The following HPSE2 variants were observed in gnomAD, a reference collection of about 807,000 sequenced individuals.
HPSE2 encodes the protein inactive heparanase-2.
A neutral mutation model predicts 60.5 loss-of-function variants in HPSE2; 38 were observed. The observed-to-expected ratio is 0.63, with a 90% CI of 0.48 to 0.82. The LOEUF (loss-of-function observed/expected upper bound fraction) is 0.82, where lower values mean the gene tolerates loss of function less well. HPSE2 is among the 40% of genes least tolerant of loss of function. The pLI is 0.00. For synonymous variants in HPSE2, 295 were observed against 293.2 expected (o/e 1.01, Z -0.06); for missense variants, 713 against 740.4 (o/e 0.96, Z 0.43).
intron 2 of HPSE2, among the ~76,000 whole-genome samples, chr10:99,175,099 C>G (rs970788801): frequency 3.3e-5 from 5 of 152,168 alleles, no homozygotes; most frequent in African/African-American, 1.2e-4. Context: ...CTATGCTTTT[C>G]CCGTGGTCTT....
intron 3 of HPSE2, among the ~76,000 whole-genome samples, chr10:98,985,445 A>G (rs1190957370): frequency 6.6e-6 from 1 of 152,196 alleles, no homozygotes; most frequent in Non-Finnish European, 1.5e-5. Context: ...AAATGCTGAG[A>G]GATTTTGTCA....
intron 9 of HPSE2, among the ~76,000 whole-genome samples, chr10:98,610,069 C>G (rs1205898820): frequency 6.6e-6 from 1 of 152,088 alleles, no homozygotes; most frequent in Non-Finnish European, 1.5e-5. Context: ...TCTCAATCCC[C>G]TGACCTCGTG....
At position 98,715,164 on chromosome 10, in the gene HPSE2, C is replaced by T. The variant is rs191685530; in HGVS notation, c.956+6493G>A. ...TGTTCACATTCTTGATGGTGTCATTCGACACACAAAAGTTCTTAGTTTTGG... is the reference window on the plus strand; with the variant it reads ...TGTTCACATTCTTGATGGTGTCATTTGACACACAAAAGTTCTTAGTTTTGG... On this transcript the variant is annotated intron_variant, in intron 5 of 11. Coordinates refer to ENST00000370552, the MANE Select transcript of HPSE2 (RefSeq NM_021828.5). Among the ~76,000 whole-genome samples, 41 of 151,776 alleles carry T rather than the reference C, an allele frequency of 2.7e-4. No individual in the cohort carries two copies. The East Asian group carries it at 6.2e-3, about 23-fold the overall frequency.
intron 3 of HPSE2, among the ~76,000 whole-genome samples, chr10:99,115,032 A>C (rs535575807): frequency 1.3e-5 from 2 of 152,058 alleles, no homozygotes; most frequent in South Asian, 4.2e-4. Flanking sequence ...CCCAGGTTGG[A>C]GTGCAGTGGC....
intron 2 of HPSE2, among the ~76,000 whole-genome samples, chr10:99,156,459 T>C (rs1206030846): frequency 7.3e-6 from 1 of 136,894 alleles, no homozygotes; most frequent in Non-Finnish European, 1.6e-5. Context: ...CACAAATCAA[T>C]AAATGTAATC....
intron 2 of HPSE2, among the ~76,000 whole-genome samples, chr10:99,146,395 G>C (rs1386709178): frequency 6.6e-6 from 1 of 152,192 alleles, no homozygotes; most frequent in Non-Finnish European, 1.5e-5. Context: ...TGGAAAATGA[G>C]CTGCAGGCCG....
rs774401073 is a variant in HPSE2 at position 99,235,712 on chromosome 10, G to A, written c.91C>T (p.Leu31=). 1 of 1,614,080 alleles carries A rather than the reference G, an allele frequency of 6.2e-7. No homozygotes were observed. The highest frequency in any genetic ancestry group is 1.7e-5 in the Admixed American group (1 of 60,020). The change falls in exon 1 of 12, where the codon CTG becomes TTG. Residue 31 remains leucine, a synonymous_variant. Transcript: ENST00000370552. ...CLAPGALYLA[L]LLHLSLSSQA... ...GAGGAAAGGGAGAGATGGAGCAACA[G>A]AGCCAAGTAGAGAGCCCCCGGGGCT...
At chr10:98,990,817 G>A (rs1296552283) in intron 3 of HPSE2, among the ~76,000 whole-genome samples, 1 of 152,126 alleles carries the variant, frequency 6.6e-6, no homozygotes, top group East Asian at 1.9e-4. Flanking sequence ...CTATTTAATA[G>A]CAAGAAAGGC....
chr10:98,688,140 CCTTG>C (rs1947965512), intron 6 of HPSE2, among the ~76,000 whole-genome samples: 1 of 151,726 alleles, frequency 6.6e-6, no homozygotes, highest in African/African-American at 2.4e-5. Flanking sequence ...TAATTTTCAC[CCTTG>C]CTTATCAGTC....
At chr10:98,951,110 G>A (rs997460703) in intron 3 of HPSE2, among the ~76,000 whole-genome samples, 12 of 152,152 alleles carry the variant, frequency 7.9e-5, no homozygotes, top group Admixed American at 7.9e-4. Flanking sequence ...CACAAGATGA[G>A]GAAGAAGATG....
chr10:99,030,370 A>AG (rs1233874517), intron 3 of HPSE2, among the ~76,000 whole-genome samples: 1 of 152,238 alleles, frequency 6.6e-6, no homozygotes, highest in Non-Finnish European at 1.5e-5. Context: ...AGATATACAA[A>AG]TGGCATACAG....
chr10:98,517,913 G>A (rs1203038437), intron 9 of HPSE2, among the ~76,000 whole-genome samples: 1 of 152,200 alleles, frequency 6.6e-6, no homozygotes, highest in Non-Finnish European at 1.5e-5. Context: ...GCACAGGCCT[G>A]GTTGTTACAA....
intron 4 of HPSE2, among the ~76,000 whole-genome samples, chr10:98,726,624 T>C (rs1201665366): frequency 8.8e-6 from 1 of 113,774 alleles, no homozygotes; most frequent in Admixed American, 1.1e-4. Context: ...ATTCTAAAAC[T>C]TAAAGTATAA....
chr10:98,648,508 A>C (rs1376590483), intron 6 of HPSE2, among the ~76,000 whole-genome samples: 1 of 152,172 alleles, frequency 6.6e-6, no homozygotes, highest in African/African-American at 2.4e-5. Flanking sequence ...GGCTGGGCAC[A>C]GTGGCTCATG....
chr10:98,552,173 G>T (rs931333245), intron 9 of HPSE2, among the ~76,000 whole-genome samples: 2 of 152,054 alleles, frequency 1.3e-5, no homozygotes, highest in Non-Finnish European at 2.9e-5. Context: ...TTAGTTTTGG[G>T]ATATGCTGAT....
At chr10:98,971,469 A>C (rs560624383) in intron 3 of HPSE2, among the ~76,000 whole-genome samples, 1 of 152,318 alleles carries the variant, frequency 6.6e-6, no homozygotes, top group South Asian at 2.1e-4. Flanking sequence ...ACAACCACTT[A>C]AATGTGTTTA....
intron 9 of HPSE2, among the ~76,000 whole-genome samples, chr10:98,515,684 T>C (rs1942579347): frequency 6.6e-6 from 1 of 152,218 alleles, no homozygotes; most frequent in Admixed American, 6.5e-5. Flanking sequence ...GAATATTTTC[T>C]AAACTTTCAG....
At position 99,142,607 on chromosome 10, in the gene HPSE2, T is replaced by C. The variant is rs201971102; in HGVS notation, c.610+1631A>G. On this transcript the variant is annotated intron_variant, in intron 3 of 11. Coordinates refer to ENST00000370552, the MANE Select transcript of HPSE2 (RefSeq NM_021828.5). ...GAAGTGAGAGCAGGAAAGAGGCTCTTCTCTAGGGTAAGTTTGTTTAGTAGA... is the reference window on the plus strand; with the variant it reads ...GAAGTGAGAGCAGGAAAGAGGCTCTCCTCTAGGGTAAGTTTGTTTAGTAGA... 4.6e-5 allele frequency among the ~76,000 whole-genome samples: 7 copies of C among 152,294 alleles called. No homozygotes were observed. The East Asian group carries it at 1.4e-3, about 29-fold the overall frequency.
chr10:98,716,810 C>T (rs1021545815), intron 5 of HPSE2, among the ~76,000 whole-genome samples: 14 of 152,042 alleles, frequency 9.2e-5, no homozygotes, highest in Non-Finnish European at 1.9e-4. Flanking sequence ...TGAAAGGAAT[C>T]TTTTTTTCCT....
Sources: allele counts gnomAD v4.1 joint callset (sites outside exome capture counted in the v4.1 genomes callset), GRCh38; gene constraint gnomAD v4.1.1; transcripts MANE v1.5; gene names NCBI Gene and HGNC (gene_info 2026-07-23, HGNC 2026-07-21).